Variants in DDX4 observed in about 807,000 individuals in gnomAD.
DDX4 encodes probable ATP-dependent RNA helicase DDX4.
A neutral mutation model predicts 100.0 loss-of-function variants in DDX4; 25 were observed. That is an observed-to-expected ratio of 0.25 (90% CI 0.18 to 0.35). DDX4 has a LOEUF of 0.35. Among genes scored for constraint, DDX4 ranks in the 10% least tolerant of loss-of-function variants. The pLI is 1.00. For synonymous variants in DDX4, 259 were observed against 275.7 expected, an observed-to-expected ratio of 0.94 and a Z score of 0.60; for missense variants, 635 against 882.4, an observed-to-expected ratio of 0.72 and a Z score of 3.55.
chr5:55,773,393 T>C (rs911840258), intron 7 of DDX4, among the ~76,000 whole-genome samples: 1 of 152,242 alleles, frequency 6.6e-6, no homozygotes, highest in Admixed American at 6.5e-5. Flanking sequence ...TGTTTTCATT[T>C]TTCTGGAGTA....
rs1744464571 is a variant in DDX4 at position 55,817,143 on chromosome 5, C to T, written c.*603C>T. On this transcript the variant is annotated 3_prime_UTR_variant, in exon 22 of 22. Transcript: ENST00000505374. ...GAAATAAAGGATGAAACACTTTTCC[C>T]TTAAGTTTTCCATCAGCACTTTAAA... The T allele has an allele frequency of 6.6e-6, 1 of 152,138 alleles. No homozygotes were observed. Among genetic ancestry groups the T allele is most frequent in the Non-Finnish European group, 1.5e-5 (1 of 68,022 alleles). 9.4% of individuals were successfully genotyped at this position (152,138 alleles called of 1,614,324 possible).
chr5:55,770,700 G>A (rs1425879502), intron 7 of DDX4, among the ~76,000 whole-genome samples: 1 of 152,076 alleles, frequency 6.6e-6, no homozygotes, highest in Non-Finnish European at 1.5e-5. Flanking sequence ...TAGGACTTGT[G>A]GATTTCATAA....
chr5:55,787,636 T>A (rs1329590964), intron 14 of DDX4, among the ~76,000 whole-genome samples: 1 of 152,204 alleles, frequency 6.6e-6, no homozygotes, highest in Non-Finnish European at 1.5e-5. Flanking sequence ...TAGGTTAGAT[T>A]AATTTTACCA....
At chr5:55,742,914 A>G (rs1383384824) in intron 2 of DDX4, among the ~76,000 whole-genome samples, 1 of 152,110 alleles carries the variant, frequency 6.6e-6, no homozygotes, top group Non-Finnish European at 1.5e-5. Context: ...TGGAGAGGGA[A>G]GGCTTCTCTC....
chr5:55,766,718 C>T (rs1423779677), intron 6 of DDX4, among the ~76,000 whole-genome samples: 1 of 152,122 alleles, frequency 6.6e-6, no homozygotes, highest in Non-Finnish European at 1.5e-5. Flanking sequence ...AGCTAATAAC[C>T]TGCAAGCTGT....
In DDX4 at chr5:55,807,081, C is replaced by T. The variant is rs1743779535; in HGVS notation, c.1616-6592C>T. On this transcript the variant is annotated intron_variant, in intron 18 of 21. Transcript: ENST00000505374. Reference sequence around the variant, plus strand: ...GATCCCTTTACCATTATGTAATGGCCTTCTTTGTCTCTTTTGTTCTTTTTT... The same window carrying T: ...GATCCCTTTACCATTATGTAATGGCTTTCTTTGTCTCTTTTGTTCTTTTTT... Among the ~76,000 whole-genome samples, 4 of 152,238 alleles carry T rather than the reference C, an allele frequency of 2.6e-5. No homozygotes were observed. The South Asian group carries it at 8.3e-4, about 32-fold the overall frequency.
At chr5:55,771,411 T>C (rs565757045) in intron 7 of DDX4, among the ~76,000 whole-genome samples, 2 of 152,368 alleles carry the variant, frequency 1.3e-5, no homozygotes, top group Middle Eastern at 3.4e-3. Context: ...TAGTGTTTTA[T>C]GTTTACCTTC....
intron 18 of DDX4, among the ~76,000 whole-genome samples, chr5:55,801,741 C>T (rs1457600514): frequency 1.3e-5 from 2 of 152,128 alleles, no homozygotes; most frequent in African/African-American, 4.8e-5. Flanking sequence ...TATTGACTTA[C>T]TAAAGTCACA....
intron 7 of DDX4, among the ~76,000 whole-genome samples, chr5:55,769,321 A>G (rs551326286): frequency 5.0e-4 from 76 of 152,194 alleles, no homozygotes; most frequent in Non-Finnish European, 9.1e-4. Context: ...TCCAGTTTCA[A>G]TCTTCTGCAT....
chr5:55,812,529 A>G (rs1744179609), intron 18 of DDX4, among the ~76,000 whole-genome samples: 1 of 120,614 alleles, frequency 8.3e-6, no homozygotes, highest in South Asian at 2.5e-4. Flanking sequence ...GTGCCACTGC[A>G]CTCCAGCAAG....
rs1040915711 is a variant in DDX4 at position 55,804,404 on chromosome 5, A to G, written c.1615+5833A>G. On this transcript the variant is annotated intron_variant, in intron 18 of 21. Transcript: ENST00000505374. The stretch of plus-strand genomic sequence containing the variant: ...AGACATGAAGTCCTTGCCCATGCCT[A>G]TGTCCTGAATGGTAATGCCTAGGTT... 5.3e-5 allele frequency among the ~76,000 whole-genome samples: 8 copies of G among 152,194 alleles called. No individual in the cohort carries two copies. In the South Asian group the frequency reaches 6.2e-4, roughly 12 times the overall value.
At chr5:55,811,625 CTG>C (rs1384826658) in intron 18 of DDX4, among the ~76,000 whole-genome samples, 3 of 152,098 alleles carry the variant, frequency 2.0e-5, no homozygotes, top group Non-Finnish European at 2.9e-5. Flanking sequence ...ATTTCTGTCA[CTG>C]TTATTCCTAG....
intron 16 of DDX4, among the ~76,000 whole-genome samples, chr5:55,791,971 A>AC (rs1742591575): frequency 6.6e-6 from 1 of 151,716 alleles, no homozygotes; most frequent in Non-Finnish European, 1.5e-5. Flanking sequence ...CACACACACA[A>AC]AAATTAGCCA....
chr5:55,808,334 G>A (rs569528856), intron 18 of DDX4, among the ~76,000 whole-genome samples: 22 of 152,202 alleles, frequency 1.4e-4, no homozygotes, highest in East Asian at 7.7e-4. Context: ...GTCATTCTCC[G>A]TCCAGCTTTG....
In DDX4 at chr5:55,814,166, T is replaced by C. The variant is rs182401095; in HGVS notation, c.1715+394T>C. Among the ~76,000 whole-genome samples, 786 of 152,338 alleles carry C rather than the reference T, an allele frequency of 5.2e-3. 1 individual carries two copies. The highest frequency in any genetic ancestry group is 0.02 in the Middle Eastern group (6 of 294). ...AAAATGTCATATTAATACCGTTTTA[T>C]GGGCACTTCATTAGTAGATCCTAAA... On this transcript the variant is annotated intron_variant, in intron 19 of 21. Coordinates refer to ENST00000505374, the MANE Select transcript of DDX4 (RefSeq NM_024415.3).
chr5:55,810,868 C>T (rs1015094675), intron 18 of DDX4, among the ~76,000 whole-genome samples: 1 of 152,066 alleles, frequency 6.6e-6, no homozygotes, highest in Admixed American at 6.5e-5. Flanking sequence ...TCGTGGGTAT[C>T]AGAAAAACTA....
chr5:55,791,694 A>G (rs1474454932), intron 16 of DDX4, among the ~76,000 whole-genome samples: 1 of 152,254 alleles, frequency 6.6e-6, no homozygotes, highest in African/African-American at 2.4e-5. Flanking sequence ...TGTCCAATAC[A>G]GTAACCACTA....
intron 6 of DDX4, among the ~76,000 whole-genome samples, chr5:55,765,953 C>T (rs1028165441): frequency 5.3e-5 from 8 of 151,426 alleles, no homozygotes; most frequent in East Asian, 1.9e-4. Flanking sequence ...TACAGGGGCC[C>T]GCCATCACGC....
intron 7 of DDX4, among the ~76,000 whole-genome samples, chr5:55,769,957 C>A (rs1295459204): frequency 6.6e-6 from 1 of 151,948 alleles, no homozygotes; most frequent in African/African-American, 2.4e-5. Context: ...ACCTCCACCT[C>A]CCAGGTTCAA....
Sources: gnomAD v4.1 joint callset for allele counts (sites outside exome capture counted in the v4.1 genomes callset) on GRCh38, gnomAD v4.1.1 for gene constraint, MANE v1.5 for transcripts, NCBI Gene and HGNC (gene_info 2026-07-23, HGNC 2026-07-21) for gene names.